The following SLC9A9 variants were observed in gnomAD, a reference collection of about 807,000 sequenced individuals.
The protein encoded by SLC9A9 is sodium/hydrogen exchanger 9.
A neutral mutation model predicts 77.8 loss-of-function variants in SLC9A9; 62 were observed. The observed-to-expected ratio is 0.80, with a 90% CI of 0.65 to 0.98. The LOEUF (loss-of-function observed/expected upper bound fraction) is 0.98, where lower values mean the gene tolerates loss of function less well. SLC9A9 is among the 50% of genes least tolerant of loss of function. SLC9A9 has a pLI of 0.00. For missense variants in SLC9A9, 775 were observed against 774.9 expected, an observed-to-expected ratio of 1.00 and a Z score of 0.00; for synonymous variants, 320 against 283.5, an observed-to-expected ratio of 1.13 and a Z score of -1.29.
intron 6 of SLC9A9, among the ~76,000 whole-genome samples, chr3:143,579,014 T>G (rs1305276438): frequency 6.6e-6 from 1 of 152,176 alleles, no homozygotes; most frequent in Admixed American, 6.5e-5. Context: ...TAAAACATGG[T>G]AGGTGTATAA....
At position 143,794,948 on chromosome 3, in the gene SLC9A9, A is replaced by G. The variant is rs1576731069; in HGVS notation, c.533+53T>C. 6 of 1,504,876 alleles carry G rather than the reference A, an allele frequency of 4.0e-6. No homozygotes were observed. The East Asian group carries it at 1.4e-4, about 34-fold the overall frequency. The allele number at this position is 1,504,876 out of a possible 1,614,324, so 93.2% of individuals were successfully genotyped here. A position where few individuals can be genotyped will look rare whatever the true frequency, so the allele number is the denominator to read the frequency against. ...ATCCTGGAAGTGTTAGATCCCTCAC[A>G]CAGATCACAGACCCCACAGCCACCT... is the stretch of plus-strand genomic sequence containing the variant. On this transcript the variant is annotated intron_variant, in intron 4 of 15. Transcript: ENST00000316549.
intron 14 of SLC9A9, among the ~76,000 whole-genome samples, chr3:143,312,307 T>C (rs920683567): frequency 6.6e-6 from 1 of 152,256 alleles, no homozygotes; most frequent in Non-Finnish European, 1.5e-5. Context: ...TGACCCTCAA[T>C]TGCAATGTCA....
At chr3:143,717,330 T>A (rs1934381301) in intron 4 of SLC9A9, among the ~76,000 whole-genome samples, 1 of 152,198 alleles carries the variant, frequency 6.6e-6, no homozygotes, top group Admixed American at 6.5e-5. Context: ...AAGGTCAAGG[T>A]CATTTCCTAA....
At position 143,493,764 on chromosome 3, in the gene SLC9A9, G is replaced by C; in HGVS notation, c.1204C>G (p.Leu402Val). 6.2e-7 allele frequency: 1 copy of C among 1,605,988 alleles called. No individual in the cohort carries two copies. The highest frequency in any genetic ancestry group is 8.5e-7 in the Non-Finnish European group (1 of 1,172,628). Residue 402 changes from leucine (L) to valine (V), a missense_variant and splice_region_variant, in exon 11 of 16, where the codon CTA (leucine) becomes GTA (valine). Coordinates refer to ENST00000316549, the MANE Select transcript of SLC9A9 (RefSeq NM_173653.4). ...FNALFILGAFLAIFVARACNI... is the reference protein window; with the variant it reads ...FNALFILGAFVAIFVARACNI... ...CAGGCTCTGGCAACAAAAATTGCTAGCTGTAGATAAGCACAGGGAAACATT... is the reference window on the plus strand; with the variant it reads ...CAGGCTCTGGCAACAAAAATTGCTACCTGTAGATAAGCACAGGGAAACATT...
At chr3:143,653,125 A>G (rs1242066) in intron 5 of SLC9A9, among the ~76,000 whole-genome samples, 100,940 of 152,084 alleles carry the variant, frequency 0.66, 33,630 homozygotes, top group African/African-American at 0.72. Context: ...GTTCCACCTG[A>G]GTCTCATTCT....
intron 4 of SLC9A9, among the ~76,000 whole-genome samples, chr3:143,720,863 C>T (rs1934479740): frequency 6.8e-6 from 1 of 146,468 alleles, no homozygotes; most frequent in Non-Finnish European, 1.5e-5. Flanking sequence ...AACCAATTTA[C>T]TATTTTAAAG....
chr3:143,803,966 C>T (rs2008639954), intron 2 of SLC9A9, among the ~76,000 whole-genome samples: 1 of 152,136 alleles, frequency 6.6e-6, no homozygotes, highest in Admixed American at 6.5e-5. Flanking sequence ...CTCCTCCACA[C>T]TTACTTAAAA....
intron 12 of SLC9A9, among the ~76,000 whole-genome samples, chr3:143,397,213 T>C (rs1350732062): frequency 1.3e-5 from 2 of 152,248 alleles, no homozygotes. Context: ...TAATAGCTTA[T>C]CAAGGCATCT....
At chr3:143,472,103 G>A (rs1216003644) in intron 11 of SLC9A9, among the ~76,000 whole-genome samples, 2 of 152,164 alleles carry the variant, frequency 1.3e-5, no homozygotes, top group African/African-American at 4.8e-5. Context: ...CTTGATTTAA[G>A]GTGCAAAGCA....
At chr3:143,311,134 G>A (rs997641263) in intron 14 of SLC9A9, among the ~76,000 whole-genome samples, 5 of 152,228 alleles carry the variant, frequency 3.3e-5, no homozygotes, top group African/African-American at 7.2e-5. Context: ...TTCTTTAAAA[G>A]CAAGTCCATT....
intron 14 of SLC9A9, among the ~76,000 whole-genome samples, chr3:143,328,708 T>G (rs940693625): frequency 1.3e-5 from 2 of 152,228 alleles, no homozygotes; most frequent in East Asian, 3.8e-4. Flanking sequence ...AGGCCTCTCC[T>G]GTTTCTACCA....
chr3:143,414,863 G>A (rs2034163011), intron 12 of SLC9A9, among the ~76,000 whole-genome samples: 1 of 152,210 alleles, frequency 6.6e-6, no homozygotes, highest in South Asian at 2.1e-4. Context: ...CATATTGAAA[G>A]CCAAGGTAGG....
chr3:143,575,443 A>T (rs987936615), intron 7 of SLC9A9, among the ~76,000 whole-genome samples: 1 of 152,188 alleles, frequency 6.6e-6, no homozygotes, highest in African/African-American at 2.4e-5. Flanking sequence ...TATGTTAAGT[A>T]CTCAGAACAG....
chr3:143,698,211 G>A (rs1933696409), intron 4 of SLC9A9: 1 of 153,744 alleles, frequency 6.5e-6, no homozygotes, highest in Non-Finnish European at 1.5e-5. Context: ...GCAAACCTGA[G>A]TCAGATGTCC....
At chr3:143,634,805 T>G (rs1294423833) in intron 6 of SLC9A9, among the ~76,000 whole-genome samples, 4 of 152,176 alleles carry the variant, frequency 2.6e-5, no homozygotes, top group Non-Finnish European at 4.4e-5. Flanking sequence ...TTCCCTCCAT[T>G]ATTTATAAAA....
At chr3:143,772,583 G>A (rs1048604074) in intron 4 of SLC9A9, among the ~76,000 whole-genome samples, 15 of 152,136 alleles carry the variant, frequency 9.9e-5, no homozygotes, top group African/African-American at 3.6e-4. Context: ...AGCACAAGCT[G>A]GTCCGGGAAG....
chr3:143,560,865 T>C (rs2037072905), intron 8 of SLC9A9, among the ~76,000 whole-genome samples: 2 of 152,222 alleles, frequency 1.3e-5, no homozygotes, highest in Non-Finnish European at 2.9e-5. Flanking sequence ...CTGGAGACTT[T>C]CAAATGCATT....
At chr3:143,635,917 G>T (rs1350930031) in intron 6 of SLC9A9, among the ~76,000 whole-genome samples, 1 of 152,084 alleles carries the variant, frequency 6.6e-6, no homozygotes, top group East Asian at 1.9e-4. Flanking sequence ...TGTTTCAACG[G>T]CTATTTTTTT....
At chr3:143,767,376 A>ATGTGTGTG (rs142594079) in intron 4 of SLC9A9, among the ~76,000 whole-genome samples, 3,589 of 141,356 alleles carry the variant, frequency 0.025, 120 homozygotes, top group African/African-American at 0.078. Context: ...GTGTCTGTGT[A>ATGTGTGTG]TGTGTGTGTG....
Sources: gnomAD v4.1 joint callset for allele counts (sites outside exome capture counted in the v4.1 genomes callset) on GRCh38, gnomAD v4.1.1 for gene constraint, MANE v1.5 for transcripts, NCBI Gene and HGNC (gene_info 2026-07-23, HGNC 2026-07-21) for gene names.